PAX5: variants seen among roughly 807,000 people sequenced by gnomAD.
PAX5 encodes the protein paired box protein Pax-5.
In PAX5, 9 loss-of-function variants were observed where a neutral mutation model predicts 43.7. The observed-to-expected ratio is 0.21, with a 90% confidence interval of 0.12 to 0.36. The LOEUF is 0.36. Among genes scored for constraint, PAX5 ranks in the 10% least tolerant of loss-of-function variants. PAX5 has a pLI of 1.00. For missense variants in PAX5, 383 were observed against 532.7 expected, an observed-to-expected ratio of 0.72 and a Z score of 2.77; for synonymous variants, 228 against 214.3, an observed-to-expected ratio of 1.06 and a Z score of -0.56.
chr9:37,013,589 T>A (rs1308000389), intron 3 of PAX5, among the ~76,000 whole-genome samples: 3 of 152,072 alleles, frequency 2.0e-5, no homozygotes, highest in Non-Finnish European at 4.4e-5. Context: ...CCTCTTATAA[T>A]CCATAAAAAG....
chr9:36,861,858 C>T (rs758469140), intron 8 of PAX5, among the ~76,000 whole-genome samples: 4 of 152,036 alleles, frequency 2.6e-5, no homozygotes, highest in Admixed American at 2.6e-4. Context: ...TCACTGCAGC[C>T]ACGTTGTTGT....
At chr9:36,936,852 A>ACACACACACACACACATG (rs1831602042) in intron 6 of PAX5, among the ~76,000 whole-genome samples, 1 of 14,248 alleles carries the variant, frequency 7.0e-5, no homozygotes, top group Non-Finnish European at 6.0e-4. Flanking sequence ...ACACACATGC[A>ACACACACACACACACATG]CACACACACA....
At chr9:36,891,391 G>A (rs1477617738) in intron 7 of PAX5, among the ~76,000 whole-genome samples, 1 of 152,226 alleles carries the variant, frequency 6.6e-6, no homozygotes, top group African/African-American at 2.4e-5. Flanking sequence ...ATCCTGCTAC[G>A]CACACGTCGG....
At chr9:37,017,016 A>G (rs1839443395) in intron 2 of PAX5, among the ~76,000 whole-genome samples, 1 of 152,200 alleles carries the variant, frequency 6.6e-6, no homozygotes, top group South Asian at 2.1e-4. Context: ...GCTTTCAGCA[A>G]TTTTTCTGTA....
intron 5 of PAX5, among the ~76,000 whole-genome samples, chr9:36,976,667 T>C (rs1588128872): frequency 1.3e-5 from 2 of 152,256 alleles, no homozygotes; most frequent in East Asian, 3.8e-4. Flanking sequence ...ACTACCATTA[T>C]TCAGCCATTT....
chr9:36,925,228 C>A (rs936660829), intron 6 of PAX5, among the ~76,000 whole-genome samples: 53 of 152,274 alleles, frequency 3.5e-4, no homozygotes, highest in African/African-American at 1.2e-3. Context: ...CAGGCCCAGG[C>A]TCTAGATGAT....
chr9:36,944,609 G>A (rs1376234952), intron 6 of PAX5, among the ~76,000 whole-genome samples: 1 of 152,172 alleles, frequency 6.6e-6, no homozygotes, highest in Non-Finnish European at 1.5e-5. Context: ...CCATTACTCA[G>A]AGGTTTTCTG....
At chr9:36,945,716 T>G (rs1832439625) in intron 6 of PAX5, among the ~76,000 whole-genome samples, 1 of 152,258 alleles carries the variant, frequency 6.6e-6, no homozygotes, top group Non-Finnish European at 1.5e-5. Context: ...TCCAATTGTT[T>G]GGGCCACTCT....
At chr9:37,022,782 C>T (rs1839964443) in intron 1 of PAX5, among the ~76,000 whole-genome samples, 1 of 152,226 alleles carries the variant, frequency 6.6e-6, no homozygotes, top group Non-Finnish European at 1.5e-5. Flanking sequence ...ACCCTCTACC[C>T]TTGACCACAT....
Position 36,928,311 on chromosome 9 carries a change from G to T in PAX5, c.781-4827C>A, listed in dbSNP as rs760994108. Reference sequence around the variant, plus strand: ...CCGCCTGGAGGGTCCCTCTCACTCCGTGACTTAGAGAACTCTTACATTATC... The same window carrying T: ...CCGCCTGGAGGGTCCCTCTCACTCCTTGACTTAGAGAACTCTTACATTATC... On this transcript the variant is annotated intron_variant, in intron 6 of 9. Coordinates refer to ENST00000358127, the MANE Select transcript of PAX5 (RefSeq NM_016734.3). Among the ~76,000 whole-genome samples the T allele has an allele frequency of 9.2e-5, 14 of 152,280 alleles. No individual in the cohort carries two copies. In the East Asian group the frequency reaches 2.7e-3, roughly 29 times the overall value.
At chr9:36,981,445 A>AC (rs1564036069) in intron 5 of PAX5, among the ~76,000 whole-genome samples, 1 of 149,202 alleles carries the variant, frequency 6.7e-6, no homozygotes, top group African/African-American at 2.4e-5. Flanking sequence ...AAAAAAAAAA[A>AC]AACAAAAAAC....
At chr9:37,002,569 C>T in intron 5 of PAX5, 79 bp downstream of exon 5, 1 of 1,506,378 alleles carries the variant, frequency 6.6e-7, no homozygotes, top group Non-Finnish European at 9.0e-7. Context: ...GCGGGCACCT[C>T]TGCTGCCACC....
At chr9:36,962,101 A>C (rs1834026291) in intron 6 of PAX5, among the ~76,000 whole-genome samples, 1 of 152,232 alleles carries the variant, frequency 6.6e-6, no homozygotes, top group Admixed American at 6.5e-5. Context: ...GCTCCGAGCT[A>C]ACAGCAGTAA....
At chr9:36,895,589 T>C (rs1267411340) in intron 7 of PAX5, among the ~76,000 whole-genome samples, 1 of 152,192 alleles carries the variant, frequency 6.6e-6, no homozygotes, top group Non-Finnish European at 1.5e-5. Context: ...ACTCAATGCA[T>C]GTAAAGCACT....
At chr9:36,990,504 G>C (rs1360480097) in intron 5 of PAX5, among the ~76,000 whole-genome samples, 1 of 152,200 alleles carries the variant, frequency 6.6e-6, no homozygotes, top group Non-Finnish European at 1.5e-5. Context: ...CTTCAGGCAA[G>C]TCATTGATCA....
intron 7 of PAX5, among the ~76,000 whole-genome samples, chr9:36,894,848 G>T (rs577211697): frequency 6.6e-6 from 1 of 152,154 alleles, no homozygotes; most frequent in Non-Finnish European, 1.5e-5. Flanking sequence ...AGAAATCCTC[G>T]ATGGCTCCCC....
chr9:36,951,435 C>T (rs1300883906), intron 6 of PAX5, among the ~76,000 whole-genome samples: 1 of 152,176 alleles, frequency 6.6e-6, no homozygotes, highest in Non-Finnish European at 1.5e-5. Flanking sequence ...GTTATATTTT[C>T]CTACAAATTG....
chr9:36,949,179 G>A (rs1832796781), intron 6 of PAX5, among the ~76,000 whole-genome samples: 1 of 152,072 alleles, frequency 6.6e-6, no homozygotes, highest in Non-Finnish European at 1.5e-5. Flanking sequence ...TCCTGCCTCA[G>A]CCTCCCAAGC....
intron 7 of PAX5, among the ~76,000 whole-genome samples, chr9:36,889,778 T>C (rs573164508): frequency 2.0e-5 from 3 of 152,380 alleles, no homozygotes; most frequent in African/African-American, 7.2e-5. Context: ...TCTGCTCTTC[T>C]GAAGGAACTA....
Sources: allele counts gnomAD v4.1 joint callset (sites outside exome capture counted in the v4.1 genomes callset), GRCh38; gene constraint gnomAD v4.1.1; transcripts MANE v1.5; gene names NCBI Gene and HGNC (gene_info 2026-07-23, HGNC 2026-07-21).